The following CDYL2 variants were observed in gnomAD, a reference collection of about 807,000 sequenced individuals.
The protein encoded by CDYL2 is chromodomain Y like 2.
CDYL2 carries 23 observed loss-of-function variants against 49.4 expected under a neutral mutation model. The ratio of observed to expected loss-of-function variants is 0.47; its 90% CI spans 0.34 to 0.66. The LOEUF is 0.66. CDYL2 is among the 30% of genes least tolerant of loss of function. CDYL2 has a pLI of 0.01. For missense variants in CDYL2, 678 were observed against 656.4 expected (o/e 1.03, Z -0.36); for synonymous variants, 360 against 268.8 (o/e 1.34, Z -3.32).
intron 1 of CDYL2, among the ~76,000 whole-genome samples, chr16:80,799,907 G>C (rs949932809): frequency 6.6e-6 from 1 of 152,194 alleles, no homozygotes; most frequent in Non-Finnish European, 1.5e-5. Context: ...TACTGGTACA[G>C]AGATTCAAGA....
chr16:80,709,581 C>T lies in CDYL2; in HGVS notation c.25-24452G>A, dbSNP rs970779322. On this transcript the variant is annotated intron_variant, in intron 1 of 6. Transcript: ENST00000570137. ...AAACAGACACACACACACACACACA[C>T]ACACACACACACACTTCCTCAAACA... Among the ~76,000 whole-genome samples the T allele has an allele frequency of 4.0e-5, 6 of 151,766 alleles. No homozygotes were observed. The East Asian group carries it at 5.8e-4, about 15-fold the overall frequency.
chr16:80,784,425 C>G (rs1567605841), intron 1 of CDYL2, among the ~76,000 whole-genome samples: 1 of 152,034 alleles, frequency 6.6e-6, no homozygotes, highest in Non-Finnish European at 1.5e-5. Flanking sequence ...ACTAAATTAA[C>G]TAAAAGTAGT....
rs547762763 is a variant in CDYL2, at chr16:80,800,657, G to C, written c.24+3493C>G. On this transcript the variant is annotated intron_variant, in intron 1 of 6. Transcript: ENST00000570137. The stretch of plus-strand genomic sequence containing the variant: ...ACACACGGTTTTACCACCACCAAGA[G>C]GCCATGAGCTTGGGAAAGAAAAAGA... Among the ~76,000 whole-genome samples, 37 of 152,044 alleles carry C rather than the reference G, an allele frequency of 2.4e-4. No individual in the cohort carries two copies. In the South Asian group the frequency reaches 7.3e-3, roughly 30 times the overall value.
At chr16:80,631,300 G>C (rs1907550765) in intron 3 of CDYL2, among the ~76,000 whole-genome samples, 1 of 152,214 alleles carries the variant, frequency 6.6e-6, no homozygotes, top group African/African-American at 2.4e-5. Context: ...TTCAGTGGCT[G>C]TCATCACTGT....
intron 1 of CDYL2, among the ~76,000 whole-genome samples, chr16:80,783,573 G>C (rs529646281): frequency 3.3e-5 from 5 of 152,178 alleles, no homozygotes; most frequent in African/African-American, 4.8e-5. Flanking sequence ...TAATGGAAAA[G>C]TGGAAACAAC....
rs564765051 is a variant in CDYL2 at position 80,736,083 on chromosome 16, C to A, written c.25-50954G>T. Reference sequence around the variant, plus strand: ...ATGACATAGGCCAGTGACCTTGAGACTGTGGAACTCCCAGCTGTCACAGCT... The same window carrying A: ...ATGACATAGGCCAGTGACCTTGAGAATGTGGAACTCCCAGCTGTCACAGCT... On this transcript the variant is annotated intron_variant, in intron 1 of 6. Coordinates refer to ENST00000570137, the MANE Select transcript of CDYL2 (RefSeq NM_152342.4). Among the ~76,000 whole-genome samples, 8 of 152,372 alleles carry A rather than the reference C, an allele frequency of 5.3e-5. No homozygotes were observed. The South Asian group carries it at 1.5e-3, about 28-fold the overall frequency.
At chr16:80,662,705 T>G in intron 2 of CDYL2, 1 of 455,534 alleles carries the variant, frequency 2.2e-6, no homozygotes, top group Non-Finnish European at 4.4e-6. Context: ...TATTGAAATT[T>G]TAATTTTTTA....
chr16:80,706,594 G>T (rs1567578746), intron 1 of CDYL2, among the ~76,000 whole-genome samples: 1 of 152,176 alleles, frequency 6.6e-6, no homozygotes, highest in Non-Finnish European at 1.5e-5. Context: ...TTGCCACCAA[G>T]CCGCTAGGGG....
intron 1 of CDYL2, among the ~76,000 whole-genome samples, chr16:80,783,129 T>G (rs940526107): frequency 1.3e-5 from 2 of 151,986 alleles, no homozygotes; most frequent in African/African-American, 4.8e-5. Context: ...CAGGAGAAAA[T>G]ATTTTCAAAT....
intron 2 of CDYL2, among the ~76,000 whole-genome samples, chr16:80,665,305 T>A (rs751010567): frequency 1.3e-5 from 2 of 152,044 alleles, no homozygotes; most frequent in African/African-American, 2.4e-5. Flanking sequence ...TGTAGGGCAC[T>A]GCCGTACCTG....
chr16:80,791,854 G>C (rs1400961928), intron 1 of CDYL2, among the ~76,000 whole-genome samples: 1 of 152,170 alleles, frequency 6.6e-6, no homozygotes, highest in African/African-American at 2.4e-5. Flanking sequence ...ATTGTTGAAA[G>C]ACTCATGAGT....
At chr16:80,799,626 G>A (rs1266938688) in intron 1 of CDYL2, among the ~76,000 whole-genome samples, 1 of 152,134 alleles carries the variant, frequency 6.6e-6, no homozygotes, top group East Asian at 1.9e-4. Context: ...CCACTTCTTA[G>A]CAATTGGCCA....
chr16:80,654,189 T>G (rs968363766), intron 2 of CDYL2, among the ~76,000 whole-genome samples: 1 of 151,788 alleles, frequency 6.6e-6, no homozygotes, highest in Non-Finnish European at 1.5e-5. Flanking sequence ...CCGGGCTGGG[T>G]TGGGAAAAAG....
chr16:80,750,635 T>C (rs980153265), intron 1 of CDYL2, among the ~76,000 whole-genome samples: 1 of 151,066 alleles, frequency 6.6e-6, no homozygotes, highest in Non-Finnish European at 1.5e-5. Context: ...GGGAGAAAAA[T>C]CTGACTAAGC....
intron 2 of CDYL2, 136 bp downstream of exon 2, chr16:80,684,402 G>C (rs1357362859): frequency 1.0e-5 from 8 of 793,384 alleles, no homozygotes; most frequent in South Asian, 5.4e-5. Flanking sequence ...CTAGGTGAGA[G>C]AGATGAAGGG....
Position 80,633,138 on chromosome 16 carries a change from T to C in CDYL2, c.715A>G (p.Ser239Gly). ...CAGTTGCTTTCATTCTGGCGGACACTGTATCTGAGCCTTTTGTCAAAGACG... is the reference window on the plus strand; with the variant it reads ...CAGTTGCTTTCATTCTGGCGGACACCGTATCTGAGCCTTTTGTCAAAGACG... ...DYVFDKRLRY[S>G]VRQNESNCRF... Residue 239 changes from serine to glycine, a missense_variant, in exon 3 of 7, where the codon AGT (serine) becomes GGT (glycine). Transcript: ENST00000570137. 1 of 1,614,230 alleles carries C rather than the reference T, an allele frequency of 6.2e-7. No individual in the cohort carries two copies. Among genetic ancestry groups the C allele is most frequent in the Non-Finnish European group, 8.5e-7 (1 of 1,180,032 alleles).
At chr16:80,678,767 T>C (rs1017323155) in intron 2 of CDYL2, among the ~76,000 whole-genome samples, 6 of 151,234 alleles carry the variant, frequency 4.0e-5, no homozygotes, top group African/African-American at 1.5e-4. Flanking sequence ...ACTGGGTATA[T>C]ACCCAAAGGA....
At position 80,618,082 on chromosome 16, in the gene CDYL2, G is replaced by A. The variant is rs1039414991; in HGVS notation, c.1007+2681C>T. Among the ~76,000 whole-genome samples the A allele has an allele frequency of 4.6e-5, 7 of 152,162 alleles. No individual in the cohort carries two copies. In the East Asian group the frequency reaches 5.8e-4, roughly 13 times the overall value. On this transcript the variant is annotated intron_variant, in intron 4 of 6. Coordinates refer to ENST00000570137, the MANE Select transcript of CDYL2 (RefSeq NM_152342.4). Reference sequence around the variant, plus strand: ...TCTCCTTTCCCACGCCCCCATCCTTGCTAGTTCATGAACTAGCAACTTCTG... The same window carrying A: ...TCTCCTTTCCCACGCCCCCATCCTTACTAGTTCATGAACTAGCAACTTCTG...
rs551852156 is a variant in CDYL2, at chr16:80,601,450, C to G, written c.*2938G>C. 7.9e-5 allele frequency: 12 copies of G among 152,236 alleles called. No homozygotes were observed. The highest frequency in any genetic ancestry group is 2.6e-4 in the Admixed American group (4 of 15,278). 9.4% of individuals were successfully genotyped at this position (152,236 alleles called of 1,614,324 possible). A position where few individuals can be genotyped will look rare whatever the true frequency, so the allele number is the denominator to read the frequency against. On this transcript the variant is annotated 3_prime_UTR_variant, in exon 7 of 7. Coordinates refer to ENST00000570137, the MANE Select transcript of CDYL2 (RefSeq NM_152342.4). ...GCAATTCCTCAAAGACCTGCCCAGG[C>G]TCTTGGGAGTGACTTATGGGGGAAG... is the stretch of plus-strand genomic sequence containing the variant.
Sources: allele counts gnomAD v4.1 joint callset (sites outside exome capture counted in the v4.1 genomes callset), GRCh38; gene constraint gnomAD v4.1.1; transcripts MANE v1.5; gene names NCBI Gene and HGNC (gene_info 2026-07-23, HGNC 2026-07-21).